TENM2: variants seen among roughly 807,000 people sequenced by gnomAD.
TENM2 encodes teneurin transmembrane protein 2.
In TENM2, 52 loss-of-function variants were observed where a neutral mutation model predicts 245.2. The observed-to-expected ratio is 0.21, with a 90% CI of 0.17 to 0.27. The LOEUF is 0.27. Ranked by LOEUF, TENM2 falls within the 10% of genes least tolerant of loss-of-function variation. The probability of loss-of-function intolerance (pLI) is 1.00; values close to 1 mark genes in which losing one functional copy is unlikely to be tolerated. For synonymous variants in TENM2, 1,363 were observed against 1,438.9 expected, an observed-to-expected ratio of 0.95 and a Z score of 1.19; for missense variants, 3,046 against 3,666.8, an observed-to-expected ratio of 0.83 and a Z score of 4.37.
Position 168,247,920 on chromosome 5 carries a change from C to T in TENM2, c.6981C>T (p.His2327=), listed in dbSNP as rs1050863070. The T allele has an allele frequency of 1.9e-6, 3 of 1,613,990 alleles. No homozygotes were observed. Among genetic ancestry groups the T allele is most frequent in the Non-Finnish European group, 2.5e-6 (3 of 1,179,894 alleles). The change falls in exon 27 of 29, where the codon CAC becomes CAT. Residue 2327 remains histidine (H), a synonymous_variant. Transcript: ENST00000518659. This position sits in a 1 kb window ranked among gnomAD's most constrained non-coding sequence, Gnocchi z 7.8. ...TGCAGTACTTCTACTCTGACCTCCA[C>T]AACCCGACGCGCATCACCCATGTCT...
At chr5:167,021,927 A>G in the TENM2 span, among the ~76,000 whole-genome samples, 8 of 152,198 alleles carry the variant, frequency 5.3e-5, no homozygotes, top group Non-Finnish European at 1.0e-4. Flanking sequence ...AGATTAAGCA[A>G]TTTGATATAA....
the TENM2 span, among the ~76,000 whole-genome samples, chr5:166,988,229 T>C: frequency 6.6e-6 from 1 of 152,222 alleles, no homozygotes; most frequent in Non-Finnish European, 1.5e-5. Context: ...TCAATTCCAG[T>C]AAATCATAGC....
chr5:167,017,807 T>C, the TENM2 span, among the ~76,000 whole-genome samples: 2 of 152,216 alleles, frequency 1.3e-5, no homozygotes, highest in African/African-American at 4.8e-5. Context: ...CGTGATGCCA[T>C]AGCATTCTTG....
intron 27 of TENM2, among the ~76,000 whole-genome samples, chr5:168,248,768 C>T (rs1240254577): frequency 6.6e-6 from 1 of 152,188 alleles, no homozygotes. Flanking sequence ...ACTATAGTTT[C>T]CTTCCCTGTG....
chr5:167,753,801 T>A (rs1762110534), intron 2 of TENM2, among the ~76,000 whole-genome samples: 1 of 152,170 alleles, frequency 6.6e-6, no homozygotes, highest in Admixed American at 6.6e-5. Flanking sequence ...GAATGGTCTT[T>A]GAAGAGCTCA....
intron 1 of TENM2, among the ~76,000 whole-genome samples, chr5:167,303,754 A>G (rs1755499712): frequency 6.6e-6 from 1 of 152,094 alleles, no homozygotes; most frequent in Non-Finnish European, 1.5e-5. Flanking sequence ...AAAGTCCCAT[A>G]CTCACAAGGA....
intron 1 of TENM2, among the ~76,000 whole-genome samples, chr5:167,324,071 C>T (rs370236762): frequency 3.9e-5 from 6 of 152,286 alleles, no homozygotes; most frequent in East Asian, 3.9e-4. Flanking sequence ...TTAAGTTAGT[C>T]ACCCAACTGT....
At chr5:167,034,744 C>T in the TENM2 span, among the ~76,000 whole-genome samples, 1 of 150,942 alleles carries the variant, frequency 6.6e-6, no homozygotes, top group Non-Finnish European at 1.5e-5. Context: ...CTATCTGTGT[C>T]GACAATTTCC....
chr5:167,278,573 A>T, the TENM2 span, among the ~76,000 whole-genome samples: 1 of 151,988 alleles, frequency 6.6e-6, no homozygotes, highest in African/African-American at 2.4e-5. Flanking sequence ...TTACTTACCT[A>T]TAGTAATTTT....
the TENM2 span, among the ~76,000 whole-genome samples, chr5:167,075,140 T>C: frequency 6.6e-6 from 1 of 152,084 alleles, no homozygotes; most frequent in Non-Finnish European, 1.5e-5. Flanking sequence ...CTCTGGCATA[T>C]CCTATGCTAA....
intron 2 of TENM2, among the ~76,000 whole-genome samples, chr5:167,807,276 A>G (rs925157816): frequency 6.6e-6 from 1 of 151,850 alleles, no homozygotes; most frequent in East Asian, 1.9e-4. Flanking sequence ...ACACTTCCCC[A>G]GTGTTCTAAT....
the TENM2 span, among the ~76,000 whole-genome samples, chr5:167,202,073 C>G: frequency 6.6e-6 from 1 of 152,200 alleles, no homozygotes; most frequent in Non-Finnish European, 1.5e-5. Flanking sequence ...CTAACAGTCA[C>G]TCCTGAAGAC....
chr5:167,411,596 G>GTA (rs1762912431), intron 2 of TENM2, among the ~76,000 whole-genome samples: 1 of 151,174 alleles, frequency 6.6e-6, no homozygotes, highest in African/African-American at 2.4e-5. Context: ...GTGTGTGTGT[G>GTA]TGTGTGTGTG....
chr5:167,779,641 G>C (rs770764293), intron 2 of TENM2, among the ~76,000 whole-genome samples: 7 of 152,164 alleles, frequency 4.6e-5, no homozygotes, highest in Non-Finnish European at 8.8e-5. Flanking sequence ...CATTATCTAA[G>C]GCAAAACTAC....
intron 12 of TENM2, among the ~76,000 whole-genome samples, chr5:168,155,121 T>C (rs930214940): frequency 1.3e-5 from 2 of 152,226 alleles, no homozygotes; most frequent in African/African-American, 4.8e-5. Context: ...CCAAAACTAG[T>C]TGGAGATTTT....
chr5:167,190,805 T>C, the TENM2 span, among the ~76,000 whole-genome samples: 1 of 152,138 alleles, frequency 6.6e-6, no homozygotes, highest in Admixed American at 6.6e-5. Context: ...TACTCCTTGT[T>C]TGAAAGTTGC....
intron 5 of TENM2, among the ~76,000 whole-genome samples, chr5:168,013,664 A>T (rs1463067994): frequency 6.6e-6 from 1 of 152,180 alleles, no homozygotes; most frequent in African/African-American, 2.4e-5. Flanking sequence ...CTGGAAATAG[A>T]TGCAACAGCT....
chr5:167,514,597 G>A (rs1770191406), intron 2 of TENM2, among the ~76,000 whole-genome samples: 1 of 152,214 alleles, frequency 6.6e-6, no homozygotes, highest in African/African-American at 2.4e-5. Flanking sequence ...AGATTCCAGA[G>A]AAATGAGAGA....
chr5:168,011,848 T>C (rs150846400), intron 5 of TENM2, among the ~76,000 whole-genome samples: 1 of 152,352 alleles, frequency 6.6e-6, no homozygotes, highest in East Asian at 1.9e-4. Flanking sequence ...AAGTCAACCA[T>C]TTATGAAAAA....
Sources: gnomAD v4.1 joint callset for allele counts (sites outside exome capture counted in the v4.1 genomes callset) on GRCh38, gnomAD v4.1.1 for gene constraint, Gnocchi (gnomAD v3.1) non-coding constraint, MANE v1.5 for transcripts, NCBI Gene and HGNC (gene_info 2026-07-23, HGNC 2026-07-21) for gene names.